MAP4K1: variants seen among roughly 807,000 people sequenced by gnomAD.
MAP4K1 encodes the protein MAPK/ERK kinase kinase kinase 1.
MAP4K1 carries 35 observed loss-of-function variants against 122.8 expected under a neutral mutation model. That is an observed-to-expected ratio of 0.29 (90% CI 0.22 to 0.38). MAP4K1 has a LOEUF of 0.38. Ranked by LOEUF, MAP4K1 falls within the 10% of genes least tolerant of loss-of-function variation. MAP4K1 has a pLI of 1.00. For synonymous variants in MAP4K1, 412 were observed against 421.3 expected (o/e 0.98, Z 0.27); for missense variants, 791 against 1,072.6 (o/e 0.74, Z 3.67).
chr19:38,610,015 AC>A lies in MAP4K1; in HGVS notation c.820del (p.Val274TyrfsTer6). The A allele has an allele frequency of 6.2e-7, 1 of 1,612,820 alleles. No individual in the cohort carries two copies. Reference protein sequence around the residue: ...SATKMLSHQLVSQPGLNRGLI... With the variant: ...SATKMLSHQLXSQPGLNRGLI... ...GCCTCGATTCAGCCCAGGCTGGGAT[AC>A]CAGTTGATGCTGGCGGAGGGAAGAG... On this transcript the variant is annotated frameshift_variant, in exon 12 of 31. Coordinates refer to ENST00000396857, the MANE Select transcript of MAP4K1 (RefSeq NM_001042600.3). LOFTEE classifies it high-confidence loss of function.
chr19:38,612,145 T>C (rs1413651748), intron 9 of MAP4K1, among the ~76,000 whole-genome samples: 1 of 150,618 alleles, frequency 6.6e-6, no homozygotes, highest in Non-Finnish European at 1.5e-5. Context: ...ATAGGCTGGG[T>C]GCAGTGGTTC....
intron 30 of MAP4K1, among the ~76,000 whole-genome samples, chr19:38,590,415 A>ATG (rs1230342530): frequency 7.4e-4 from 66 of 89,480 alleles, no homozygotes; most frequent in Middle Eastern, 6.2e-3. Context: ...ATATATATAT[A>ATG]TATATATATA....
Position 38,611,239 on chromosome 19 carries a change from G to C in MAP4K1, c.728+4C>G, listed in dbSNP as rs2287731. On this transcript the variant is annotated splice_donor_region_variant and intron_variant, in intron 10 of 30. Transcript: ENST00000396857. Reference sequence around the variant, plus strand: ...TCACCCTCCCTCCTGTTACTCTCTCGTACCATTTGCCTTTTTCCTTCAGTC... The same window carrying C: ...TCACCCTCCCTCCTGTTACTCTCTCCTACCATTTGCCTTTTTCCTTCAGTC... 1.2e-6 allele frequency: 2 copies of C among 1,612,438 alleles called. No individual in the cohort carries two copies. The highest frequency in any genetic ancestry group is 1.7e-6 in the Non-Finnish European group (2 of 1,178,828).
In MAP4K1 at chr19:38,596,898, TGGGCGGGGCCTCGGGAGATTG is replaced by T. The variant is rs764405447; in HGVS notation, c.1941+115_1941+135del. 7,886 of 799,280 alleles carry T rather than the reference TGGGCGGGGCCTCGGGAGATTG, an allele frequency of 9.9e-3. 167 individuals are homozygous for T. Among genetic ancestry groups the T allele is most frequent in the East Asian group, 0.068 (2,567 of 37,770 alleles). The allele number at this position is 799,280 out of a possible 1,614,324, so 49.5% of individuals were successfully genotyped here. On this transcript the variant is annotated intron_variant, in intron 25 of 30. Transcript: ENST00000396857. Reference sequence around the variant, plus strand: ...CGAGGCTCCAAGCGCAGACCGCAGGTGGGCGGGGCCTCGGGAGATTGGGGCGGGGCCTCGACGGAGGTGGGG... The same window carrying T: ...CGAGGCTCCAAGCGCAGACCGCAGGTGGGCGGGGCCTCGACGGAGGTGGGG...
chr19:38,591,071 TC>T (rs1275235548), intron 30 of MAP4K1, among the ~76,000 whole-genome samples: 1 of 151,400 alleles, frequency 6.6e-6, no homozygotes, highest in Non-Finnish European at 1.5e-5. Flanking sequence ...ATGCCTGTAA[TC>T]CCAGCTACTC....
intron 26 of MAP4K1, 113 bp from the exon 27 acceptor site, chr19:38,596,114 G>A (rs1974868522): frequency 7.4e-7 from 1 of 1,344,444 alleles, no homozygotes; most frequent in Admixed American, 1.8e-5. Context: ...ACAAGCAAGT[G>A]GGCTAAACCC....
At chr19:38,601,611 A>G in intron 19 of MAP4K1, 86 bp from the exon 20 acceptor site, 1 of 967,414 alleles carries the variant, frequency 1.0e-6, no homozygotes, top group East Asian at 2.7e-5. Context: ...CTTTGGAGCG[A>G]GAGTGCCAAG....
intron 30 of MAP4K1, chr19:38,589,347 T>C: frequency 4.3e-6 from 1 of 232,230 alleles, no homozygotes; most frequent in Non-Finnish European, 8.9e-6. Context: ...AACTAGTGGG[T>C]GAAAATCTGA....
chr19:38,599,482 T>G (rs1974997667), intron 22 of MAP4K1, among the ~76,000 whole-genome samples: 1 of 150,782 alleles, frequency 6.6e-6, no homozygotes, highest in Non-Finnish European at 1.5e-5. Context: ...GCCAACAGGG[T>G]AAAACTCTGT....
Position 38,612,218 on chromosome 19 carries a change from G to A in MAP4K1, c.665+393C>T, listed in dbSNP as rs573839532. Among the ~76,000 whole-genome samples the A allele has an allele frequency of 6.0e-4, 91 of 151,598 alleles. 1 individual carries two copies. The highest frequency in any genetic ancestry group is 5.6e-3 in the Admixed American group (85 of 15,214). On this transcript the variant is annotated intron_variant, in intron 9 of 30. Transcript: ENST00000396857. ...GCAGATAACCTGAGGTCAGGAGTTC[G>A]AGACTACCCTGGCCAACATGTTGAA...
chr19:38,608,828 A>AAAAAAAAAAAAAAAAAAAAAC (rs1555811720), intron 13 of MAP4K1, among the ~76,000 whole-genome samples: 4 of 137,138 alleles, frequency 2.9e-5, no homozygotes, highest in Admixed American at 7.4e-5. Context: ...AAAAAAAAAA[A>AAAAAAAAAAAAAAAAAAAAAC]ACATTAGCCA....
intron 19 of MAP4K1, among the ~76,000 whole-genome samples, chr19:38,604,947 A>G (rs571872647): frequency 1.3e-5 from 2 of 151,300 alleles, no homozygotes; most frequent in Non-Finnish European, 2.9e-5. Flanking sequence ...TTAGCCGGGC[A>G]TGGTGCTGCA....
At chr19:38,605,357 GCATCC>G in intron 19 of MAP4K1, 47 bp downstream of exon 19, 2 of 1,341,946 alleles carry the variant, frequency 1.5e-6, no homozygotes, top group African/African-American at 1.5e-5. Flanking sequence ...ACCCCACCAG[GCATCC>G]CCAGCCCCGT....
intron 30 of MAP4K1, chr19:38,589,324 C>CA: frequency 1.2e-5 from 3 of 257,722 alleles, no homozygotes; most frequent in Non-Finnish European, 2.4e-5. Context: ...AAAAGACAAA[C>CA]AAAAAACAAT....
intron 7 of MAP4K1, 29 bp downstream of exon 7, chr19:38,614,014 C>G: frequency 6.2e-7 from 1 of 1,601,530 alleles, no homozygotes. Flanking sequence ...CCCAGTCAGC[C>G]CCCCTGCTCA....
chr19:38,590,430 T>TAG lies in MAP4K1; in HGVS notation c.2397-2614_2397-2613insCT, dbSNP rs1182880864. Among the ~76,000 whole-genome samples the TAG allele has an allele frequency of 3.4e-5, 4 of 116,210 alleles. 1 individual carries two copies. The highest frequency in any genetic ancestry group is 5.0e-5 in the Non-Finnish European group (3 of 59,418). The allele number at this position is 116,210 out of a possible 152,430, so 76.2% of individuals were successfully genotyped here. On this transcript the variant is annotated intron_variant, in intron 30 of 30. Coordinates refer to ENST00000396857, the MANE Select transcript of MAP4K1 (RefSeq NM_001042600.3). Reference sequence around the variant, plus strand: ...ATATATATATATATATATATATATATATATATAATCACGGGCGTCACTAGG... The same window carrying TAG: ...ATATATATATATATATATATATATATAGATATATAATCACGGGCGTCACTAGG...
chr19:38,595,999 G>A lies in MAP4K1; in HGVS notation c.2119C>T (p.His707Tyr). Residue 707 changes from histidine (H) to tyrosine (Y), a missense_variant and splice_region_variant, in exon 27 of 31, where the codon CAC becomes TAC. By Grantham distance (83) the His-to-Tyr change is moderately conservative. This residue lies in a region of MAP4K1 where 267 missense variants were observed against 323.0 expected (regional missense o/e 0.83). Coordinates refer to ENST00000396857, the MANE Select transcript of MAP4K1 (RefSeq NM_001042600.3). ...TGGGTCACCTGCACGGGTCCCCTGT[G>A]CTCTGTTTGGGGGGAGTGGGTTAAG... ...SCWLGEMSTE[H>Y]RGPVQVTQVE... The A allele has an allele frequency of 1.2e-6, 2 of 1,613,886 alleles. No homozygotes were observed. The highest frequency in any genetic ancestry group is 8.5e-7 in the Non-Finnish European group (1 of 1,179,916).
rs149270812 is a variant in MAP4K1 at position 38,608,257 on chromosome 19, CG to C, written c.1007-88del. On this transcript the variant is annotated intron_variant, in intron 13 of 30. Coordinates refer to ENST00000396857, the MANE Select transcript of MAP4K1 (RefSeq NM_001042600.3). ...TTAAGAACAGAAAGAGTAGAATTGG[CG>C]GGGGGGTTGCAGTCAGGATCTTGGG... 1,025 of 488,992 alleles carry C rather than the reference CG, an allele frequency of 2.1e-3. 11 individuals carry two copies. The East Asian group carries it at 0.032, about 15-fold the overall frequency. The allele number at this position is 488,992 out of a possible 1,614,324, so 30.3% of individuals were successfully genotyped here.
intron 12 of MAP4K1, 112 bp downstream of exon 12, chr19:38,609,797 C>T (rs1001353262): frequency 3.5e-5 from 45 of 1,300,324 alleles, no homozygotes; most frequent in Non-Finnish European, 4.7e-5. Flanking sequence ...GCTCCCCATC[C>T]TCCCTCCCTG....
Sources: gnomAD v4.1 joint callset for allele counts (sites outside exome capture counted in the v4.1 genomes callset) on GRCh38, gnomAD v4.1.1 for gene constraint, gnomAD v4.1.1 regional missense constraint, MANE v1.5 for transcripts, NCBI Gene and HGNC (gene_info 2026-07-23, HGNC 2026-07-21) for gene names.